GALNT16: variants seen among roughly 807,000 people sequenced by gnomAD.
The protein encoded by GALNT16 is polypeptide N-acetylgalactosaminyltransferase 16, also known as UDP-GalNAc:polypeptide N-acetylgalactosaminyltransferase-like protein 1.
A neutral mutation model predicts 76.1 loss-of-function variants in GALNT16; 40 were observed. The observed-to-expected ratio is 0.53, with a 90% CI of 0.41 to 0.68. The LOEUF (loss-of-function observed/expected upper bound fraction) is 0.68, where lower values mean the gene tolerates loss of function less well. Ranked by LOEUF, GALNT16 falls within the 30% of genes least tolerant of loss-of-function variation. The probability of loss-of-function intolerance (pLI) is 0.00; values close to 1 mark genes in which losing one functional copy is unlikely to be tolerated. For synonymous variants in GALNT16, 276 were observed against 285.2 expected, an observed-to-expected ratio of 0.97 and a Z score of 0.32; for missense variants, 621 against 731.9, an observed-to-expected ratio of 0.85 and a Z score of 1.75.
intron 1 of GALNT16, among the ~76,000 whole-genome samples, chr14:69,282,152 TG>T (rs1241121437): frequency 2.6e-5 from 4 of 152,206 alleles, no homozygotes; most frequent in African/African-American, 9.6e-5. Context: ...TCAGAGAGGC[TG>T]TAACCTGGGA....
intron 1 of GALNT16, among the ~76,000 whole-genome samples, chr14:69,265,516 G>A (rs1023261219): frequency 7.2e-5 from 11 of 152,324 alleles, no homozygotes; most frequent in East Asian, 5.8e-4. Flanking sequence ...AGTTGCCCAC[G>A]GGACTGTCTC....
chr14:69,285,963 T>C (rs2044605835), intron 1 of GALNT16, among the ~76,000 whole-genome samples: 1 of 152,086 alleles, frequency 6.6e-6, no homozygotes, highest in African/African-American at 2.4e-5. Context: ...CCCGCCCCAG[T>C]GCAACCAGTT....
Position 69,322,925 on chromosome 14 carries a change from GGTGTGTGTGTGTGT to G in GALNT16, c.336-1723_336-1710del, listed in dbSNP as rs766188989. The stretch of plus-strand genomic sequence containing the variant: ...AAAAGAAAGCTGAGGTGGCTCACGG[GGTGTGTGTGTGTGT>G]GTGTGTGTGTGTGTGTGTGTGTGTG... On this transcript the variant is annotated intron_variant, in intron 2 of 14. Coordinates refer to ENST00000448469, the MANE Select transcript of GALNT16 (RefSeq NM_001168368.2). Among the ~76,000 whole-genome samples the G allele has an allele frequency of 4.9e-3, 504 of 103,846 alleles. 7 individuals carry two copies. The highest frequency in any genetic ancestry group is 5.1e-3 in the African/African-American group (130 of 25,592). The allele number at this position is 103,846 out of a possible 152,430, so 68.1% of individuals were successfully genotyped here. A position where few individuals can be genotyped will look rare whatever the true frequency, so the allele number is the denominator to read the frequency against.
At chr14:69,346,929 C>A in intron 12 of GALNT16, 111 bp from the exon 13 acceptor site, 6 of 1,352,296 alleles carry the variant, frequency 4.4e-6, no homozygotes, top group Non-Finnish European at 6.3e-6. Flanking sequence ...CGGGCCCCTT[C>A]CCACGGAGAC....
At chr14:69,282,566 C>T (rs2044558221) in intron 1 of GALNT16, among the ~76,000 whole-genome samples, 1 of 151,978 alleles carries the variant, frequency 6.6e-6, no homozygotes, top group African/African-American at 2.4e-5. Context: ...GAACATGGGC[C>T]CTGTATCTGC....
chr14:69,332,689 G>A (rs1221834224), intron 7 of GALNT16: 1 of 171,964 alleles, frequency 5.8e-6, no homozygotes, highest in Non-Finnish European at 1.2e-5. Flanking sequence ...AGCTGCCCCT[G>A]CCTTGAATTC....
intron 1 of GALNT16, among the ~76,000 whole-genome samples, chr14:69,263,673 C>G (rs1454743700): frequency 6.6e-6 from 1 of 152,212 alleles, no homozygotes. Context: ...CTTGGAGATG[C>G]CTGTTTGGCA....
intron 1 of GALNT16, among the ~76,000 whole-genome samples, chr14:69,276,120 CCT>C (rs1401148621): frequency 6.6e-6 from 1 of 152,092 alleles, no homozygotes; most frequent in African/African-American, 2.4e-5. Context: ...GATTCAGTTA[CCT>C]CCCATTGGGT....
chr14:69,297,741 G>GT (rs74642621), intron 1 of GALNT16, among the ~76,000 whole-genome samples: 10,646 of 152,026 alleles, frequency 0.07, 655 homozygotes, highest in East Asian at 0.31. Flanking sequence ...ACATGCTGAG[G>GT]TTTCTTTTAT....
rs934137889 is a variant in GALNT16, at chr14:69,297,859, G to A, written c.178-22852G>A. On this transcript the variant is annotated intron_variant, in intron 1 of 14. Transcript: ENST00000448469. ...TAGCAATAATAACTATAATACTACCGACTTACTGAGAGCTTGTTATGTGCC... is the reference window on the plus strand; with the variant it reads ...TAGCAATAATAACTATAATACTACCAACTTACTGAGAGCTTGTTATGTGCC... 5.9e-5 allele frequency among the ~76,000 whole-genome samples: 9 copies of A among 152,058 alleles called. No individual in the cohort carries two copies. The South Asian group carries it at 1.7e-3, about 28-fold the overall frequency.
At chr14:69,328,389 G>C (rs2045311132) in intron 5 of GALNT16, 61 bp from the exon 6 acceptor site, 1 of 1,565,760 alleles carries the variant, frequency 6.4e-7, no homozygotes, top group African/African-American at 1.4e-5. Flanking sequence ...GGACTTTGGG[G>C]GACAGGTGGG....
downstream of GALNT16, chr14:69,355,770 T>A (rs1275693): frequency 0.99 from 151,474 of 152,380 alleles, 75,348 homozygotes; most frequent in Middle Eastern, 1. Flanking sequence ...AGCAGGGAGC[T>A]GTTCCTGAGG....
Position 69,346,195 on chromosome 14 carries a change from TAAGTCATTTTTA to T in GALNT16, c.1272-843_1272-832del, listed in dbSNP as rs1191369535. ...AGGTGTGGGCTACCATGCCCAGCCA[TAAGTCATTTTTA>T]ATGGCTACAGGGTTTTCTATCGTAT... is the stretch of plus-strand genomic sequence containing the variant. On this transcript the variant is annotated intron_variant, in intron 12 of 14. Transcript: ENST00000448469. 3.9e-5 allele frequency among the ~76,000 whole-genome samples: 6 copies of T among 152,104 alleles called. No individual in the cohort carries two copies. In the East Asian group the frequency reaches 1.2e-3, roughly 29 times the overall value.
At chr14:69,272,102 T>C (rs1021711933) in intron 1 of GALNT16, among the ~76,000 whole-genome samples, 3 of 152,096 alleles carry the variant, frequency 2.0e-5, no homozygotes, top group African/African-American at 7.2e-5. Flanking sequence ...GGCTCGTGCC[T>C]GTAATCCCGG....
chr14:69,267,836 G>A (rs1305702125), intron 1 of GALNT16, among the ~76,000 whole-genome samples: 2 of 152,096 alleles, frequency 1.3e-5, no homozygotes, highest in Admixed American at 6.5e-5. Flanking sequence ...GGATCTCGGC[G>A]GTCCCTATCA....
intron 1 of GALNT16, among the ~76,000 whole-genome samples, chr14:69,275,614 G>A (rs1282239143): frequency 6.6e-6 from 1 of 152,194 alleles, no homozygotes; most frequent in East Asian, 1.9e-4. Flanking sequence ...CCCAGCACTT[G>A]GGGAGACTGA....
At chr14:69,323,011 T>G (rs890174822) in intron 2 of GALNT16, among the ~76,000 whole-genome samples, 1 of 133,174 alleles carries the variant, frequency 7.5e-6, no homozygotes, top group African/African-American at 2.9e-5. Flanking sequence ...CATGCACACG[T>G]GTAGGGAAGC....
At chr14:69,277,497 G>A (rs1246173767) in intron 1 of GALNT16, among the ~76,000 whole-genome samples, 4 of 152,176 alleles carry the variant, frequency 2.6e-5, no homozygotes, top group Non-Finnish European at 5.9e-5. Flanking sequence ...CCTTACAATA[G>A]TTTGCTCAGA....
intron 13 of GALNT16, 78 bp from the exon 14 acceptor site, chr14:69,347,799 T>C (rs2045585738): frequency 6.7e-7 from 1 of 1,490,228 alleles, no homozygotes; most frequent in African/African-American, 1.4e-5. Flanking sequence ...GCCGTGTTTT[T>C]GCTTTATCCC....
Sources: allele counts gnomAD v4.1 joint callset (sites outside exome capture counted in the v4.1 genomes callset), GRCh38; gene constraint gnomAD v4.1.1; transcripts MANE v1.5; gene names NCBI Gene and HGNC (gene_info 2026-07-23, HGNC 2026-07-21).